Variants in SKI observed in about 807,000 individuals in gnomAD.
The protein encoded by SKI is SKI proto-oncogene.
Under a neutral mutation model 59.3 loss-of-function variants are expected in SKI, and 23 were observed. The observed-to-expected ratio is 0.39, with a 90% confidence interval of 0.28 to 0.55. The LOEUF (loss-of-function observed/expected upper bound fraction) is 0.55. Ranked by LOEUF, SKI falls within the 20% of genes least tolerant of loss-of-function variation. The pLI, the probability that SKI is intolerant of heterozygous loss-of-function variation, is 0.67. For missense variants in SKI, 1,017 were observed against 1,038.9 expected (o/e 0.98, Z 0.29); for synonymous variants, 673 against 488.6 (o/e 1.38, Z -4.98).
At chr1:2,254,193 C>T (rs1277159525) in intron 1 of SKI, among the ~76,000 whole-genome samples, 1 of 152,206 alleles carries the variant, frequency 6.6e-6, no homozygotes, top group Non-Finnish European at 1.5e-5. Flanking sequence ...CCCCTCCAGA[C>T]ACTGATTGTG....
At chr1:2,292,736 G>A (rs1389201823) in intron 1 of SKI, among the ~76,000 whole-genome samples, 1 of 152,214 alleles carries the variant, frequency 6.6e-6, no homozygotes, top group Non-Finnish European at 1.5e-5. Context: ...CTGTGCCCCT[G>A]CTGGGGAGGA....
intron 1 of SKI, among the ~76,000 whole-genome samples, chr1:2,298,392 C>T (rs1162888688): frequency 2.0e-5 from 3 of 152,284 alleles, no homozygotes; most frequent in East Asian, 3.9e-4. Context: ...ATGGCTGCTG[C>T]TGTGCGCCTC....
rs1295199834 is a variant in SKI at position 2,279,487 on chromosome 1, T to G, written c.970-23491T>G. On this transcript the variant is annotated intron_variant, in intron 1 of 6. Coordinates refer to ENST00000378536, the MANE Select transcript of SKI (RefSeq NM_003036.4). ...CATCCCTCTCTGGTTCTCTCAGGCC[T>G]CCTCTGGGCTTGCCAGGAATGTAGG... 7.2e-5 allele frequency among the ~76,000 whole-genome samples: 11 copies of G among 152,078 alleles called. No individual in the cohort carries two copies. The South Asian group carries it at 8.3e-4, about 11-fold the overall frequency.
At chr1:2,262,601 G>C (rs541289946) in intron 1 of SKI, among the ~76,000 whole-genome samples, 4 of 152,362 alleles carry the variant, frequency 2.6e-5, no homozygotes, top group Non-Finnish European at 5.9e-5. Context: ...TCCTGATCTG[G>C]ATTTGGCACC....
chr1:2,254,123 CTGGGGT>C (rs1417106967), intron 1 of SKI, among the ~76,000 whole-genome samples: 1 of 152,194 alleles, frequency 6.6e-6, no homozygotes, highest in African/African-American at 2.4e-5. Flanking sequence ...CCATGAGGGG[CTGGGGT>C]TGGCACTGGC....
intron 1 of SKI, among the ~76,000 whole-genome samples, chr1:2,294,686 GGCA>G (rs1569840846): frequency 6.6e-6 from 1 of 152,250 alleles, no homozygotes; most frequent in African/African-American, 2.4e-5. Context: ...TTGTCCCCAT[GGCA>G]GGGAGGCCTC....
rs541289824 is a variant in SKI, at chr1:2,256,449, C to T, written c.969+26714C>T. ...GTCCTTGCTCCAGCGTTCTTCTCTGCCCCCTCCCTCTGTGGTCCAGAGGCC... is the reference window on the plus strand; with the variant it reads ...GTCCTTGCTCCAGCGTTCTTCTCTGTCCCCTCCCTCTGTGGTCCAGAGGCC... On this transcript the variant is annotated intron_variant, in intron 1 of 6. Transcript: ENST00000378536. Among the ~76,000 whole-genome samples the T allele has an allele frequency of 3.3e-5, 5 of 152,376 alleles. No homozygotes were observed. The East Asian group carries it at 7.7e-4, about 23-fold the overall frequency.
At chr1:2,285,796 C>T (rs1022850109) in intron 1 of SKI, among the ~76,000 whole-genome samples, 13 of 151,112 alleles carry the variant, frequency 8.6e-5, no homozygotes, top group Non-Finnish European at 1.5e-4. Flanking sequence ...GAACACCTGA[C>T]CTCACATGAT....
At chr1:2,292,895 A>ACCCC (rs1640195514) in intron 1 of SKI, among the ~76,000 whole-genome samples, 1 of 152,116 alleles carries the variant, frequency 6.6e-6, no homozygotes, top group Non-Finnish European at 1.5e-5. Flanking sequence ...CGCTGAGCCA[A>ACCCC]AGGCCGTGTC....
intron 1 of SKI, among the ~76,000 whole-genome samples, chr1:2,277,917 C>T (rs1010831920): frequency 6.6e-5 from 10 of 152,064 alleles, no homozygotes; most frequent in African/African-American, 2.4e-4. Flanking sequence ...TCGTCAGGAC[C>T]CACGGGCAGA....
chr1:2,261,807 C>T (rs980886496), intron 1 of SKI, among the ~76,000 whole-genome samples: 4 of 152,074 alleles, frequency 2.6e-5, no homozygotes, highest in Non-Finnish European at 5.9e-5. Context: ...CGCCCTCGCT[C>T]CTGATCTCCT....
intron 1 of SKI, among the ~76,000 whole-genome samples, chr1:2,242,171 G>GC (rs1557815226): frequency 6.6e-6 from 1 of 152,204 alleles, no homozygotes; most frequent in South Asian, 2.1e-4. Context: ...CCTTGGTGTG[G>GC]CCCCCAGCCG....
intron 1 of SKI, among the ~76,000 whole-genome samples, chr1:2,287,894 C>A (rs1433919593): frequency 6.6e-6 from 1 of 152,228 alleles, no homozygotes; most frequent in Non-Finnish European, 1.5e-5. Context: ...GAGCCCTGAG[C>A]CCCGCCTTGA....
rs949060540 is a variant in SKI at position 2,296,890 on chromosome 1, C to T, written c.970-6088C>T. ...CCTCGGCTCTACAGACGGTTCAGTC[C>T]GGGAAATGGTTTAAGGAGGCCGTGC... is the stretch of plus-strand genomic sequence containing the variant. On this transcript the variant is annotated intron_variant, in intron 1 of 6. Transcript: ENST00000378536. Among the ~76,000 whole-genome samples the T allele has an allele frequency of 5.3e-5, 8 of 152,078 alleles. No individual in the cohort carries two copies. The East Asian group carries it at 7.7e-4, about 15-fold the overall frequency.
At chr1:2,255,475 A>G (rs1639253338) in intron 1 of SKI, among the ~76,000 whole-genome samples, 1 of 149,798 alleles carries the variant, frequency 6.7e-6, no homozygotes, top group African/African-American at 2.4e-5. Flanking sequence ...TCCTGTCTGG[A>G]ACACACTGTG....
intron 1 of SKI, among the ~76,000 whole-genome samples, chr1:2,263,866 CA>C (rs34134821): frequency 0.025 from 2,352 of 95,440 alleles, 46 homozygotes; most frequent in African/African-American, 0.069. Context: ...GACTCCATCT[CA>C]AAAAAAAAAA....
chr1:2,291,761 G>T (rs1440679229), intron 1 of SKI, among the ~76,000 whole-genome samples: 2 of 152,202 alleles, frequency 1.3e-5, no homozygotes, highest in East Asian at 1.9e-4. Flanking sequence ...CCGAGGGAGC[G>T]CTACTAATTG....
chr1:2,240,873 C>A, intron 1 of SKI: 4 of 887,600 alleles, frequency 4.5e-6, no homozygotes, highest in Non-Finnish European at 5.4e-6. Flanking sequence ...TTCGGCACTG[C>A]TGGGGAAGTG....
intron 1 of SKI, among the ~76,000 whole-genome samples, chr1:2,283,114 C>T (rs1054441562): frequency 6.6e-6 from 1 of 152,206 alleles, no homozygotes; most frequent in African/African-American, 2.4e-5. Flanking sequence ...GAGGCGCCCC[C>T]ACCCGGCCCA....
Sources: allele counts gnomAD v4.1 joint callset (sites outside exome capture counted in the v4.1 genomes callset), GRCh38; gene constraint gnomAD v4.1.1; transcripts MANE v1.5; gene names NCBI Gene and HGNC (gene_info 2026-07-23, HGNC 2026-07-21).